Variants in FAR2 observed in about 807,000 individuals in gnomAD.
FAR2 encodes the protein epididymis secretory protein Li 81.
FAR2 carries 19 observed loss-of-function variants against 56.0 expected under a neutral mutation model. That is an observed-to-expected ratio of 0.34 (90% CI 0.24 to 0.50). The LOEUF is 0.50. Ranked by LOEUF, FAR2 falls within the 20% of genes least tolerant of loss-of-function variation. The pLI is 0.98. For missense variants in FAR2, 508 were observed against 642.2 expected (o/e 0.79, Z 2.26); for synonymous variants, 219 against 218.8 (o/e 1.00, Z -0.01).
At position 29,332,690 on chromosome 12, in the gene FAR2, A is replaced by C. The variant is rs1315823497; in HGVS notation, c.1348A>C (p.Met450Leu). 6.2e-7 allele frequency: 1 copy of C among 1,613,578 alleles called. No homozygotes were observed. Among genetic ancestry groups the C allele is most frequent in the African/African-American group, 1.3e-5 (1 of 74,934 alleles). Residue 450 changes from methionine to leucine, a missense_variant, in exon 11 of 12, where the codon ATG becomes CTG. By Grantham distance (15) the Met-to-Leu change is conservative. Transcript: ENST00000536681. ...GVKKYLLKED[M>L]AGIPKAKQRL... is the part of the protein sequence containing the mutation. ...TAAAAAATACTTATTGAAAGAGGAT[A>C]TGGCTGGGATCCCAAAAGCAAAGCA...
At chr12:29,219,318 C>T (rs1323563405) in intron 1 of FAR2, among the ~76,000 whole-genome samples, 1 of 152,146 alleles carries the variant, frequency 6.6e-6, no homozygotes, top group Non-Finnish European at 1.5e-5. Context: ...ATAAAAATTA[C>T]TCTGCTGCTG....
chr12:29,207,093 C>T (rs1947485058), intron 1 of FAR2, among the ~76,000 whole-genome samples: 1 of 152,072 alleles, frequency 6.6e-6, no homozygotes, highest in Non-Finnish European at 1.5e-5. Context: ...TTGCATCTGA[C>T]TCTTAAATGG....
intron 1 of FAR2, among the ~76,000 whole-genome samples, chr12:29,190,496 C>T (rs920827719): frequency 2.0e-5 from 3 of 151,918 alleles, no homozygotes; most frequent in Non-Finnish European, 4.4e-5. Context: ...CGGAGTTTCC[C>T]TCTTGTTGCC....
At chr12:29,311,200 A>T in intron 7 of FAR2, 54 bp downstream of exon 7, 1 of 1,225,686 alleles carries the variant, frequency 8.2e-7, no homozygotes, top group Non-Finnish European at 1.2e-6. Context: ...GAGTGAATAT[A>T]TTAGGCCCAT....
intron 1 of FAR2, chr12:29,156,830 A>C (rs1664502387): frequency 6.6e-6 from 1 of 151,984 alleles, no homozygotes; most frequent in Admixed American, 6.6e-5. Flanking sequence ...AGATTTTGGA[A>C]TAGCTAGTCC....
chr12:29,164,542 A>C (rs948000009), intron 1 of FAR2, among the ~76,000 whole-genome samples: 1 of 152,126 alleles, frequency 6.6e-6, no homozygotes, highest in African/African-American at 2.4e-5. Flanking sequence ...TGGTCATCCA[A>C]CATCTGAAGG....
chr12:29,302,684 G>T (rs1187500944), intron 4 of FAR2, among the ~76,000 whole-genome samples: 3 of 152,152 alleles, frequency 2.0e-5, no homozygotes, highest in Admixed American at 6.5e-5. Context: ...TGTGTAATTT[G>T]GGGTTGTTTG....
chr12:29,234,263 A>C (rs890967229), intron 1 of FAR2, among the ~76,000 whole-genome samples: 1 of 152,196 alleles, frequency 6.6e-6, no homozygotes, highest in East Asian at 1.9e-4. Flanking sequence ...GAAATTTTGC[A>C]TAAAGCTTCT....
Position 29,257,481 on chromosome 12 carries a change from C to T in FAR2, c.-38-12931C>T, listed in dbSNP as rs1015362974. Among the ~76,000 whole-genome samples, 15 of 152,178 alleles carry T rather than the reference C, an allele frequency of 9.9e-5. No individual in the cohort carries two copies. The East Asian group carries it at 1.2e-3, about 12-fold the overall frequency. ...GCTGCCCAAGCCAGCAGTGGCAACC[C>T]GCTGGGGTCCTCTTCCACGCTGTGG... On this transcript the variant is annotated intron_variant, in intron 1 of 11. Coordinates refer to ENST00000536681, the MANE Select transcript of FAR2 (RefSeq NM_001271783.2).
chr12:29,250,377 A>G (rs1452011078), intron 1 of FAR2, among the ~76,000 whole-genome samples: 1 of 152,146 alleles, frequency 6.6e-6, no homozygotes, highest in African/African-American at 2.4e-5. Context: ...GATAGTTAGA[A>G]TTTTATTTAA....
chr12:29,305,746 G>A (rs183806687), intron 4 of FAR2, among the ~76,000 whole-genome samples: 1 of 152,290 alleles, frequency 6.6e-6, no homozygotes, highest in Admixed American at 6.5e-5. Context: ...GTGGAATACA[G>A]GTGTAGCTGA....
chr12:29,253,885 G>A (rs1395873073), intron 1 of FAR2, among the ~76,000 whole-genome samples: 1 of 152,142 alleles, frequency 6.6e-6, no homozygotes, highest in Non-Finnish European at 1.5e-5. Context: ...TTCAATACAT[G>A]TGTTTAATCT....
chr12:29,149,584 G>T (rs935240293), intron 1 of FAR2, among the ~76,000 whole-genome samples, 177 bp downstream of exon 1: 1 of 152,262 alleles, frequency 6.6e-6, no homozygotes, highest in Non-Finnish European at 1.5e-5. Flanking sequence ...AGCATTTGCG[G>T]AGGCTCTGCC....
intron 1 of FAR2, among the ~76,000 whole-genome samples, chr12:29,240,965 C>G (rs928411780): frequency 6.6e-5 from 10 of 152,132 alleles, no homozygotes; most frequent in African/African-American, 2.4e-4. Flanking sequence ...ACTACCACAT[C>G]CAGCTAGTTT....
chr12:29,187,401 GAAGT>G (rs1393046180), intron 1 of FAR2, among the ~76,000 whole-genome samples: 5 of 151,750 alleles, frequency 3.3e-5, no homozygotes, highest in Non-Finnish European at 4.4e-5. Flanking sequence ...AAATAACCCT[GAAGT>G]AAGAAGCGTA....
At chr12:29,217,981 CAA>C (rs1289430216) in intron 1 of FAR2, among the ~76,000 whole-genome samples, 2 of 142,958 alleles carry the variant, frequency 1.4e-5, no homozygotes, top group East Asian at 4.0e-4. Context: ...AAGAAGAAGA[CAA>C]AGAGGAGGAG....
chr12:29,223,308 C>T (rs1947720052), intron 1 of FAR2, among the ~76,000 whole-genome samples: 1 of 152,180 alleles, frequency 6.6e-6, no homozygotes, highest in African/African-American at 2.4e-5. Flanking sequence ...ATCTCTTCTC[C>T]TTCCTTTCTC....
intron 1 of FAR2, among the ~76,000 whole-genome samples, chr12:29,155,618 C>T (rs924374874): frequency 1.3e-4 from 20 of 152,140 alleles, no homozygotes; most frequent in African/African-American, 4.6e-4. Context: ...GAATAATATT[C>T]TGTGACATGG....
At chr12:29,323,771 G>A (rs567094995) in intron 10 of FAR2, among the ~76,000 whole-genome samples, 175 of 151,890 alleles carry the variant, frequency 1.2e-3, no homozygotes, top group African/African-American at 4.0e-3. Flanking sequence ...AAAGACCAAA[G>A]GTAGATAAAA....
Sources: allele counts gnomAD v4.1 joint callset (sites outside exome capture counted in the v4.1 genomes callset), GRCh38; gene constraint gnomAD v4.1.1; transcripts MANE v1.5; gene names NCBI Gene and HGNC (gene_info 2026-07-23, HGNC 2026-07-21).